ACER3: variants seen among roughly 807,000 people sequenced by gnomAD.
ACER3 encodes the protein alkCDase 3.
Under a neutral mutation model 48.9 loss-of-function variants are expected in ACER3, and 16 were observed. The ratio of observed to expected loss-of-function variants is 0.33; its 90% CI spans 0.22 to 0.50. The LOEUF (loss-of-function observed/expected upper bound fraction) is 0.50. Ranked by LOEUF, ACER3 falls within the 20% of genes least tolerant of loss-of-function variation. ACER3 has a pLI of 0.98. For missense variants in ACER3, 227 were observed against 326.0 expected, an observed-to-expected ratio of 0.70 and a Z score of 2.34; for synonymous variants, 109 against 107.8, an observed-to-expected ratio of 1.01 and a Z score of -0.07.
chr11:76,920,084 G>C (rs1946647001), intron 1 of ACER3, among the ~76,000 whole-genome samples: 1 of 152,184 alleles, frequency 6.6e-6, no homozygotes. Context: ...TTTCCTTCCT[G>C]GTTCTGGTGT....
At chr11:77,005,994 T>TATATATATATACATATATATATATA (rs1272209642) in intron 7 of ACER3, among the ~76,000 whole-genome samples, 2,130 of 81,624 alleles carry the variant, frequency 0.026, 62 homozygotes, top group Middle Eastern at 0.043. Context: ...TATATATATT[T>TATATATATATACATATATATATATA]TTTTTTTTTT....
chr11:76,867,858 T>C (rs558338654), intron 1 of ACER3, among the ~76,000 whole-genome samples: 2 of 152,296 alleles, frequency 1.3e-5, no homozygotes, highest in South Asian at 4.1e-4. Flanking sequence ...AAGCTAGGTA[T>C]TGTTCCTTCT....
intron 1 of ACER3, among the ~76,000 whole-genome samples, chr11:76,868,711 C>T (rs1945166835): frequency 6.6e-6 from 1 of 152,124 alleles, no homozygotes; most frequent in Admixed American, 6.5e-5. Context: ...TGCTGGGTTT[C>T]CCCATTCAGT....
chr11:77,012,619 G>C (rs1333951436), intron 7 of ACER3, among the ~76,000 whole-genome samples: 1 of 152,022 alleles, frequency 6.6e-6, no homozygotes, highest in Non-Finnish European at 1.5e-5. Context: ...TGCAAGACCT[G>C]TACATTGAAA....
chr11:76,883,743 G>A lies in ACER3; in HGVS notation c.103+22664G>A, dbSNP rs574199212. Among the ~76,000 whole-genome samples, 31 of 152,118 alleles carry A rather than the reference G, an allele frequency of 2.0e-4. No individual in the cohort carries two copies. The South Asian group carries it at 5.8e-3, about 29-fold the overall frequency. On this transcript the variant is annotated intron_variant, in intron 1 of 10. Transcript: ENST00000532485. Reference sequence around the variant, plus strand: ...CAGGTGTGAGCCACTGTGCCCAGCCGATTTTCTTGCTTTTTAACTTGTTTA... The same window carrying A: ...CAGGTGTGAGCCACTGTGCCCAGCCAATTTTCTTGCTTTTTAACTTGTTTA...
chr11:76,863,428 G>A (rs1050534519), intron 1 of ACER3, among the ~76,000 whole-genome samples: 2 of 152,162 alleles, frequency 1.3e-5, no homozygotes, highest in African/African-American at 4.8e-5. Context: ...AGAAGAGGAT[G>A]AGTGAATGTT....
chr11:76,861,178 G>C (rs931796736), intron 1 of ACER3, 99 bp downstream of exon 1: 1 of 1,221,986 alleles, frequency 8.2e-7, no homozygotes, highest in East Asian at 3.0e-5. Flanking sequence ...GCGAAGGGAG[G>C]TGCCAGGCCT....
At chr11:76,909,446 A>G (rs1946314172) in intron 1 of ACER3, among the ~76,000 whole-genome samples, 1 of 152,244 alleles carries the variant, frequency 6.6e-6, no homozygotes, top group African/African-American at 2.4e-5. Flanking sequence ...AACCCCATCA[A>G]AAAGCGGGCA....
At chr11:76,917,273 G>A (rs761018628) in intron 1 of ACER3, among the ~76,000 whole-genome samples, 8 of 151,898 alleles carry the variant, frequency 5.3e-5, no homozygotes, top group Non-Finnish European at 1.0e-4. Context: ...AATGTTTCTG[G>A]GCAATATTGG....
chr11:76,894,506 G>A (rs1945883459), intron 1 of ACER3, among the ~76,000 whole-genome samples: 1 of 152,118 alleles, frequency 6.6e-6, no homozygotes, highest in Non-Finnish European at 1.5e-5. Flanking sequence ...CCTCTTACTG[G>A]TTGAGCAGCT....
chr11:76,922,353 G>A (rs969668483), intron 1 of ACER3, among the ~76,000 whole-genome samples: 8 of 152,216 alleles, frequency 5.3e-5, no homozygotes, highest in African/African-American at 1.9e-4. Flanking sequence ...GTTTGGGCAT[G>A]TTTCCATTGC....
chr11:76,862,306 CTT>C (rs1944963449), intron 1 of ACER3, among the ~76,000 whole-genome samples: 1 of 150,774 alleles, frequency 6.6e-6, no homozygotes, highest in Non-Finnish European at 1.5e-5. Context: ...AAAAAGAACA[CTT>C]TTTGCAGTTT....
At chr11:76,934,376 A>G (rs1947112269) in intron 2 of ACER3, among the ~76,000 whole-genome samples, 1 of 152,200 alleles carries the variant, frequency 6.6e-6, no homozygotes, top group East Asian at 1.9e-4. Context: ...AGATCACGCC[A>G]CTGCACTCCA....
At chr11:76,961,213 G>A (rs924790792) in intron 3 of ACER3, among the ~76,000 whole-genome samples, 5 of 152,070 alleles carry the variant, frequency 3.3e-5, no homozygotes, top group Non-Finnish European at 7.4e-5. Context: ...AACAAAAGTC[G>A]CAAATACGGA....
chr11:76,913,579 T>C (rs1946442406), intron 1 of ACER3, among the ~76,000 whole-genome samples: 1 of 152,178 alleles, frequency 6.6e-6, no homozygotes, highest in African/African-American at 2.4e-5. Context: ...GAACATTCCA[T>C]GCTCATGGGT....
chr11:76,949,569 G>T (rs564392475), intron 2 of ACER3, among the ~76,000 whole-genome samples: 1 of 152,044 alleles, frequency 6.6e-6, no homozygotes, highest in Non-Finnish European at 1.5e-5. Context: ...ATTATCTCCA[G>T]AATTTCTAAT....
intron 7 of ACER3, among the ~76,000 whole-genome samples, chr11:77,000,924 A>G (rs1555019659): frequency 6.6e-6 from 1 of 152,168 alleles, no homozygotes; most frequent in African/African-American, 2.4e-5. Context: ...AGTTTAGAAT[A>G]ATATTGTCTA....
At chr11:76,886,994 C>T (rs548535554) in intron 1 of ACER3, among the ~76,000 whole-genome samples, 39 of 151,580 alleles carry the variant, frequency 2.6e-4, no homozygotes, top group African/African-American at 9.0e-4. Flanking sequence ...AACTTACTGT[C>T]GAGAACAATA....
rs547030015 is a variant in ACER3, at chr11:76,945,597, A to G, written c.215-13382A>G. On this transcript the variant is annotated intron_variant, in intron 2 of 10. Coordinates refer to ENST00000532485, the MANE Select transcript of ACER3 (RefSeq NM_018367.7). ...CCAGTATTCATACCCCACTGGTGGC[A>G]GAAGTAGGCTGTGTGTCAGTTTTTA... Among the ~76,000 whole-genome samples the G allele has an allele frequency of 4.3e-4, 66 of 152,164 alleles. 2 individuals carry two copies. The highest frequency in any genetic ancestry group is 3.5e-4 in the Non-Finnish European group (24 of 68,026).
Sources: gnomAD v4.1 joint callset for allele counts (sites outside exome capture counted in the v4.1 genomes callset) on GRCh38, gnomAD v4.1.1 for gene constraint, MANE v1.5 for transcripts, NCBI Gene and HGNC (gene_info 2026-07-23, HGNC 2026-07-21) for gene names.